Variants in SCHIP1 observed in about 807,000 individuals in gnomAD.
SCHIP1 encodes schwannomin interacting protein 1, also known as schwannomin-interacting protein 1.
In SCHIP1, 8 loss-of-function variants were observed where a neutral mutation model predicts 29.7. The ratio of observed to expected loss-of-function variants is 0.27; its 90% CI spans 0.16 to 0.49. The LOEUF is 0.49. Ranked by LOEUF, SCHIP1 falls within the 20% of genes least tolerant of loss-of-function variation. The probability of loss-of-function intolerance (pLI) is 0.99; values close to 1 mark genes in which losing one functional copy is unlikely to be tolerated. For missense variants in SCHIP1, 193 were observed against 294.6 expected (o/e 0.66, Z 2.52); for synonymous variants, 76 against 94.9 (o/e 0.80, Z 1.16).
the SCHIP1 span, among the ~76,000 whole-genome samples, chr3:159,663,059 T>C: frequency 7.9e-5 from 12 of 152,214 alleles, no homozygotes; most frequent in African/African-American, 2.9e-4. Context: ...GACATTTTCC[T>C]CAGATCTCTT....
the SCHIP1 span, among the ~76,000 whole-genome samples, chr3:159,674,262 C>T: frequency 6.6e-6 from 1 of 152,112 alleles, no homozygotes; most frequent in Admixed American, 6.5e-5. Flanking sequence ...AAGCACAAGT[C>T]ATAATCATTG....
chr3:159,430,164 A>T, the SCHIP1 span, among the ~76,000 whole-genome samples: 2 of 152,188 alleles, frequency 1.3e-5, no homozygotes, highest in Non-Finnish European at 2.9e-5. Flanking sequence ...TGTGATTAGA[A>T]ATGGGCATCT....
At chr3:159,327,578 C>A in the SCHIP1 span, among the ~76,000 whole-genome samples, 1 of 152,306 alleles carries the variant, frequency 6.6e-6, no homozygotes, top group East Asian at 1.9e-4. Flanking sequence ...ATGTGTGTGA[C>A]ATAATTTTGT....
chr3:159,839,875 A>G, exon 1 of SCHIP1: 9 of 1,378,624 alleles, frequency 6.5e-6, no homozygotes, highest in Admixed American at 6.8e-5. Context: ...CTTTGTGCCT[A>G]TAATATAATT....
chr3:159,631,913 A>G, the SCHIP1 span, among the ~76,000 whole-genome samples: 20,139 of 151,778 alleles, frequency 0.13, 3,667 homozygotes, highest in African/African-American at 0.41. Context: ...TGTGATATGC[A>G]CCCCCCACCT....
the SCHIP1 span, among the ~76,000 whole-genome samples, chr3:159,692,615 G>A: frequency 2.0e-5 from 3 of 152,088 alleles, no homozygotes; most frequent in Non-Finnish European, 4.4e-5. Flanking sequence ...ATTCTAGTTA[G>A]CAATTCCTCT....
At chr3:159,723,605 G>C in the SCHIP1 span, among the ~76,000 whole-genome samples, 1 of 152,056 alleles carries the variant, frequency 6.6e-6, no homozygotes, top group African/African-American at 2.4e-5. Context: ...TTTTAGATAG[G>C]CTATGTTTAT....
chr3:159,647,722 C>G, the SCHIP1 span, among the ~76,000 whole-genome samples: 2 of 152,150 alleles, frequency 1.3e-5, no homozygotes, highest in Non-Finnish European at 2.9e-5. Context: ...CACCACTGTT[C>G]ATTTTCCTTC....
chr3:159,479,537 T>C, the SCHIP1 span, among the ~76,000 whole-genome samples: 1 of 152,206 alleles, frequency 6.6e-6, no homozygotes, highest in Non-Finnish European at 1.5e-5. Flanking sequence ...TTAGACAAGT[T>C]GATTTAGCTT....
the SCHIP1 span, among the ~76,000 whole-genome samples, chr3:159,288,038 T>C: frequency 6.6e-6 from 1 of 152,202 alleles, no homozygotes; most frequent in Non-Finnish European, 1.5e-5. Context: ...AAAGTATTGA[T>C]GTGCTAGAGG....
At chr3:159,783,478 C>A in the SCHIP1 span, among the ~76,000 whole-genome samples, 1 of 152,232 alleles carries the variant, frequency 6.6e-6, no homozygotes, top group African/African-American at 2.4e-5. Context: ...TCTGAGTCTG[C>A]ACTTCATTTG....
the SCHIP1 span, among the ~76,000 whole-genome samples, chr3:159,554,993 A>G: frequency 6.6e-6 from 1 of 152,162 alleles, no homozygotes; most frequent in East Asian, 1.9e-4. Flanking sequence ...TGTCTAATGA[A>G]AAGGGAGAAT....
the SCHIP1 span, among the ~76,000 whole-genome samples, chr3:159,645,129 C>T: frequency 6.6e-6 from 1 of 152,130 alleles, no homozygotes; most frequent in African/African-American, 2.4e-5. Context: ...AAGAAAACGT[C>T]AATGTAGTTG....
the SCHIP1 span, among the ~76,000 whole-genome samples, chr3:159,782,822 A>G: frequency 6.6e-6 from 1 of 152,208 alleles, no homozygotes; most frequent in African/African-American, 2.4e-5. Context: ...ATATGACTAT[A>G]GATCCCTAAG....
At chr3:159,486,416 G>A in the SCHIP1 span, among the ~76,000 whole-genome samples, 1 of 152,072 alleles carries the variant, frequency 6.6e-6, no homozygotes, top group Non-Finnish European at 1.5e-5. Context: ...TCTGTGACTG[G>A]CTATTTCACT....
chr3:159,661,213 T>C, the SCHIP1 span, among the ~76,000 whole-genome samples: 1 of 152,232 alleles, frequency 6.6e-6, no homozygotes, highest in Non-Finnish European at 1.5e-5. Context: ...AACTCCTTTC[T>C]GTGAAGATTA....
the SCHIP1 span, among the ~76,000 whole-genome samples, chr3:159,818,355 A>G: frequency 6.6e-6 from 1 of 152,248 alleles, no homozygotes; most frequent in African/African-American, 2.4e-5. Context: ...TCAAAGTAGA[A>G]AAGAGCAGGC....
At chr3:159,733,959 T>C in the SCHIP1 span, among the ~76,000 whole-genome samples, 1 of 152,078 alleles carries the variant, frequency 6.6e-6, no homozygotes, top group Non-Finnish European at 1.5e-5. Flanking sequence ...GCATTCACAA[T>C]GTGGAAGACA....
chr3:159,894,727 AAG>A (rs1233880573), intron 6 of SCHIP1: 1 of 151,986 alleles, frequency 6.6e-6, no homozygotes, highest in Non-Finnish European at 1.5e-5. Flanking sequence ...AAAAAAAAAA[AAG>A]AGTTTTGGTG....
Sources: gnomAD v4.1 joint callset for allele counts (sites outside exome capture counted in the v4.1 genomes callset) on GRCh38, gnomAD v4.1.1 for gene constraint, MANE v1.5 for transcripts, NCBI Gene and HGNC (gene_info 2026-07-23, HGNC 2026-07-21) for gene names.